The following ARMC2 variants were observed in gnomAD, a reference collection of about 807,000 sequenced individuals.
ARMC2 encodes the protein armadillo repeat containing 2, also known as armadillo repeat-containing protein 2.
Under a neutral mutation model 90.3 loss-of-function variants are expected in ARMC2, and 67 were observed. That is an observed-to-expected ratio of 0.74 (90% CI 0.61 to 0.91). ARMC2 has a LOEUF of 0.91. Among genes scored for constraint, ARMC2 ranks in the 40% least tolerant of loss-of-function variants. The pLI is 0.00. For missense variants in ARMC2, 920 were observed against 1,030.9 expected (o/e 0.89, Z 1.47); for synonymous variants, 393 against 393.0 (o/e 1.00, Z 0.00).
In ARMC2 at chr6:108,894,548, G is replaced by C. The variant is rs1562361894; in HGVS notation, c.748+5G>C. 1 of 1,596,486 alleles carries C rather than the reference G, an allele frequency of 6.3e-7. No homozygotes were observed. Among genetic ancestry groups the C allele is most frequent in the Admixed American group, 1.8e-5 (1 of 56,410 alleles). On this transcript the variant is annotated splice_donor_5th_base_variant and intron_variant, in intron 6 of 17. Transcript: ENST00000392644. Reference sequence around the variant, plus strand: ...GCAGGCTGCAAACCAAAGCAGGTGAGGGGTCCCCACACTCCTTCATCTACA... The same window carrying C: ...GCAGGCTGCAAACCAAAGCAGGTGACGGGTCCCCACACTCCTTCATCTACA...
chr6:108,879,435 C>A (rs1398408660), intron 5 of ARMC2, among the ~76,000 whole-genome samples: 1 of 151,988 alleles, frequency 6.6e-6, no homozygotes, highest in African/African-American at 2.4e-5. Context: ...ATCCACCTAT[C>A]CATGCACCCA....
the ARMC2 span, among the ~76,000 whole-genome samples, chr6:109,037,409 G>T: frequency 6.6e-6 from 1 of 152,120 alleles, no homozygotes; most frequent in African/African-American, 2.4e-5. Context: ...TCTTTGCAGA[G>T]CAATAATTAA....
chr6:109,027,376 C>T, the ARMC2 span, among the ~76,000 whole-genome samples: 1 of 147,692 alleles, frequency 6.8e-6, no homozygotes, highest in Non-Finnish European at 1.5e-5. Context: ...ACTTAGGAGG[C>T]TGAGGCAGGA....
At chr6:108,945,599 C>T (rs1025584356) in intron 12 of ARMC2, among the ~76,000 whole-genome samples, 2 of 152,246 alleles carry the variant, frequency 1.3e-5, no homozygotes, top group African/African-American at 4.8e-5. Context: ...CTTGGTTGTG[C>T]TGCTTTTAAA....
At chr6:109,003,583 C>A in the ARMC2 span, among the ~76,000 whole-genome samples, 1 of 152,082 alleles carries the variant, frequency 6.6e-6, no homozygotes, top group Non-Finnish European at 1.5e-5. Flanking sequence ...ATAAAATAAT[C>A]TTATACTGGA....
intron 3 of ARMC2, among the ~76,000 whole-genome samples, chr6:108,859,247 G>A (rs1041421218): frequency 3.3e-5 from 5 of 152,020 alleles, no homozygotes; most frequent in Admixed American, 1.3e-4. Flanking sequence ...CTCTTCACAC[G>A]TCCTGCCCAA....
intron 17 of ARMC2, 87 bp downstream of exon 17, chr6:108,965,227 A>G: frequency 1.6e-6 from 2 of 1,217,998 alleles, no homozygotes; most frequent in Non-Finnish European, 2.3e-6. Context: ...AAATATTAGT[A>G]TGCATTTAGG....
chr6:109,024,249 C>T, the ARMC2 span, among the ~76,000 whole-genome samples: 1 of 152,150 alleles, frequency 6.6e-6, no homozygotes. Context: ...TTATAACAAG[C>T]TTCTTTATCT....
At chr6:108,981,839 G>C in the ARMC2 span, among the ~76,000 whole-genome samples, 1 of 151,870 alleles carries the variant, frequency 6.6e-6, no homozygotes, top group Non-Finnish European at 1.5e-5. Context: ...GCTAATTTTT[G>C]TATTTTTAGT....
At chr6:108,982,076 T>G in the ARMC2 span, among the ~76,000 whole-genome samples, 1 of 152,230 alleles carries the variant, frequency 6.6e-6, no homozygotes, top group Non-Finnish European at 1.5e-5. Context: ...ATATCATGGG[T>G]ATTGTGAATA....
At chr6:108,900,154 TG>T (rs1404426779) in intron 7 of ARMC2, among the ~76,000 whole-genome samples, 1 of 152,214 alleles carries the variant, frequency 6.6e-6, no homozygotes, top group Non-Finnish European at 1.5e-5. Context: ...ATTTCAGGCT[TG>T]GAAGCTGAGT....
chr6:108,994,406 TA>T, the ARMC2 span: 1 of 1,442,774 alleles, frequency 6.9e-7, no homozygotes, highest in East Asian at 2.3e-5. Context: ...TTAAATTCTC[TA>T]AATAAAAAGT....
At chr6:109,045,238 C>A in the ARMC2 span, among the ~76,000 whole-genome samples, 1 of 152,180 alleles carries the variant, frequency 6.6e-6, no homozygotes, top group African/African-American at 2.4e-5. Context: ...AAAATCTATC[C>A]CCTATCCTCA....
intron 12 of ARMC2, among the ~76,000 whole-genome samples, chr6:108,937,311 G>A (rs13191330): frequency 6.6e-6 from 1 of 151,928 alleles, no homozygotes; most frequent in African/African-American, 2.4e-5. Context: ...TGGGGGAGGG[G>A]GTATAACCCC....
the ARMC2 span, among the ~76,000 whole-genome samples, chr6:109,036,316 T>C: frequency 1.3e-5 from 2 of 152,240 alleles, no homozygotes; most frequent in Admixed American, 6.5e-5. Context: ...ACGATTTGTC[T>C]GAGTGAAAAA....
the ARMC2 span, among the ~76,000 whole-genome samples, chr6:108,989,195 G>T: frequency 6.6e-6 from 1 of 152,018 alleles, no homozygotes; most frequent in African/African-American, 2.4e-5. Context: ...TAGAGACAGG[G>T]TATCACCATA....
At position 108,876,146 on chromosome 6, in the gene ARMC2, A is replaced by G; in HGVS notation, c.467A>G (p.Lys156Arg). The G allele has an allele frequency of 6.2e-7, 1 of 1,605,696 alleles. No individual in the cohort carries two copies. Residue 156 changes from lysine to arginine, a missense_variant, in exon 5 of 18, where the codon AAG (lysine) becomes AGG (arginine). By Grantham distance (26) the Lys-to-Arg change is conservative. Transcript: ENST00000392644. ...TATTTTCTTGGTTATATTGCAGCAAAGAAGACAGTGGAATCCAAAGAAACA... is the reference window on the plus strand; with the variant it reads ...TATTTTCTTGGTTATATTGCAGCAAGGAAGACAGTGGAATCCAAAGAAACA... ...PDRSLPPSDS[K>R]KTVESKETVM...
chr6:109,037,788 TA>T, the ARMC2 span, among the ~76,000 whole-genome samples: 125 of 145,912 alleles, frequency 8.6e-4, no homozygotes, highest in South Asian at 0.017. Context: ...AGCGCTATTA[TA>T]AAAAAAAAAG....
chr6:108,990,220 G>A, the ARMC2 span, among the ~76,000 whole-genome samples: 1 of 151,972 alleles, frequency 6.6e-6, no homozygotes, highest in Non-Finnish European at 1.5e-5. Context: ...TACGTATTAT[G>A]AGAGCAAGTA....
Sources: allele counts gnomAD v4.1 joint callset (sites outside exome capture counted in the v4.1 genomes callset), GRCh38; gene constraint gnomAD v4.1.1; transcripts MANE v1.5; gene names NCBI Gene and HGNC (gene_info 2026-07-23, HGNC 2026-07-21).